GPC6: variants seen among roughly 807,000 people sequenced by gnomAD.
The protein encoded by GPC6 is glypican 6.
A neutral mutation model predicts 55.2 loss-of-function variants in GPC6; 14 were observed. The ratio of observed to expected loss-of-function variants is 0.25; its 90% CI spans 0.17 to 0.40. The LOEUF (loss-of-function observed/expected upper bound fraction) is 0.40, where lower values mean the gene tolerates loss of function less well. Among genes scored for constraint, GPC6 ranks in the 10% least tolerant of loss-of-function variants. The pLI is 1.00. For synonymous variants in GPC6, 278 were observed against 259.6 expected (o/e 1.07, Z -0.68); for missense variants, 641 against 708.5 (o/e 0.90, Z 1.08).
chr13:94,343,779 G>A (rs1401638970), intron 6 of GPC6, among the ~76,000 whole-genome samples: 2 of 152,098 alleles, frequency 1.3e-5, no homozygotes, highest in Non-Finnish European at 2.9e-5. Flanking sequence ...GCCCAGCCTG[G>A]AGTTCAGTGG....
At chr13:93,992,353 C>T (rs1226198739) in intron 3 of GPC6, among the ~76,000 whole-genome samples, 2 of 152,054 alleles carry the variant, frequency 1.3e-5, no homozygotes, top group Non-Finnish European at 2.9e-5. Context: ...TGTACCTTTT[C>T]AGTGAAATAG....
intron 4 of GPC6, among the ~76,000 whole-genome samples, chr13:94,247,979 G>C (rs769839511): frequency 2.0e-5 from 3 of 151,952 alleles, no homozygotes; most frequent in Non-Finnish European, 4.4e-5. Context: ...TGAGGCTACA[G>C]GTACATGCCA....
rs1295036079 is a variant in GPC6 at position 93,902,596 on chromosome 13, G to A, written c.711+72051G>A. Among the ~76,000 whole-genome samples the A allele has an allele frequency of 5.9e-5, 9 of 152,196 alleles. No homozygotes were observed. In the East Asian group the frequency reaches 1.5e-3, roughly 26 times the overall value. ...AGTAGTGAGATTGCTGGATCATACG[G>A]TAATTCTGTTTTTAATTTTTTGAGG... On this transcript the variant is annotated intron_variant, in intron 3 of 8. Transcript: ENST00000377047.
At chr13:94,034,763 T>C (rs1883276624) in intron 4 of GPC6, among the ~76,000 whole-genome samples, 1 of 152,048 alleles carries the variant, frequency 6.6e-6, no homozygotes, top group African/African-American at 2.4e-5. Context: ...AATGATACTG[T>C]GTAATCGAGA....
intron 2 of GPC6, among the ~76,000 whole-genome samples, chr13:93,745,236 A>G (rs1295980592): frequency 6.6e-6 from 1 of 152,018 alleles, no homozygotes; most frequent in Admixed American, 6.5e-5. Context: ...TCCAGCCTCA[A>G]ATCTCACTAT....
intron 4 of GPC6, among the ~76,000 whole-genome samples, chr13:94,088,796 G>C (rs920314012): frequency 2.6e-5 from 4 of 151,950 alleles, no homozygotes; most frequent in African/African-American, 9.7e-5. Flanking sequence ...TAAAATCTGG[G>C]GACAAAAATC....
chr13:93,414,432 C>T (rs570703911), intron 1 of GPC6, among the ~76,000 whole-genome samples: 4 of 152,110 alleles, frequency 2.6e-5, no homozygotes, highest in South Asian at 2.1e-4. Context: ...TTTCTTACTC[C>T]GGGACTGCAA....
intron 3 of GPC6, among the ~76,000 whole-genome samples, chr13:93,992,216 T>TTA (rs1881344336): frequency 6.6e-6 from 1 of 151,646 alleles, no homozygotes; most frequent in Non-Finnish European, 1.5e-5. Flanking sequence ...GGTGTGTGTG[T>TTA]TATATATGTT....
intron 2 of GPC6, among the ~76,000 whole-genome samples, chr13:93,778,510 A>T (rs989163968): frequency 7.2e-5 from 11 of 152,192 alleles, no homozygotes; most frequent in African/African-American, 2.4e-4. Flanking sequence ...GGAGACATTA[A>T]TTCTGCCTTT....
chr13:93,403,182 C>A (rs948623625), intron 1 of GPC6, among the ~76,000 whole-genome samples: 2 of 152,054 alleles, frequency 1.3e-5, no homozygotes, highest in Non-Finnish European at 2.9e-5. Context: ...AGAATTAAAC[C>A]ATTACAAAGA....
chr13:93,763,027 T>G (rs1885002187), intron 2 of GPC6, among the ~76,000 whole-genome samples: 1 of 152,226 alleles, frequency 6.6e-6, no homozygotes, highest in African/African-American at 2.4e-5. Flanking sequence ...TACTTTTCAT[T>G]TCTCAATAAC....
intron 1 of GPC6, among the ~76,000 whole-genome samples, chr13:93,347,688 C>G (rs1880477534): frequency 6.6e-6 from 1 of 152,146 alleles, no homozygotes; most frequent in Non-Finnish European, 1.5e-5. Context: ...CCATGGCATT[C>G]TGCAGCCTGC....
chr13:93,663,576 T>C (rs956639645), intron 2 of GPC6, among the ~76,000 whole-genome samples: 1 of 152,192 alleles, frequency 6.6e-6, no homozygotes, highest in Non-Finnish European at 1.5e-5. Flanking sequence ...TCTAATCATA[T>C]TATGTTTGAG....
intron 1 of GPC6, among the ~76,000 whole-genome samples, chr13:93,274,853 A>C (rs1169508100): frequency 6.6e-6 from 1 of 152,224 alleles, no homozygotes; most frequent in African/African-American, 2.4e-5. Flanking sequence ...ATTTTGATAT[A>C]ATTTCCTGTG....
chr13:93,660,469 C>T (rs750205018), intron 2 of GPC6, among the ~76,000 whole-genome samples: 1 of 152,024 alleles, frequency 6.6e-6, no homozygotes, highest in Non-Finnish European at 1.5e-5. Context: ...GTAGTAAAAC[C>T]TGACATAAAA....
intron 1 of GPC6, among the ~76,000 whole-genome samples, chr13:93,321,562 G>A (rs944731464): frequency 1.3e-5 from 2 of 152,108 alleles, no homozygotes; most frequent in African/African-American, 4.8e-5. Flanking sequence ...ACATTTTCCA[G>A]CAATAACAAT....
chr13:94,171,108 C>A (rs1370133541), intron 4 of GPC6, among the ~76,000 whole-genome samples: 1 of 152,056 alleles, frequency 6.6e-6, no homozygotes, highest in Non-Finnish European at 1.5e-5. Flanking sequence ...TGCAGAAGCC[C>A]AAGTGTACAA....
chr13:94,349,510 C>T lies in GPC6; in HGVS notation c.1153-32904C>T, dbSNP rs371526486. Among the ~76,000 whole-genome samples, 69 of 152,304 alleles carry T rather than the reference C, an allele frequency of 4.5e-4. No homozygotes were observed. In the South Asian group the frequency reaches 0.014, roughly 31 times the overall value. On this transcript the variant is annotated intron_variant, in intron 6 of 8. Transcript: ENST00000377047. ...ACATTGCCTGTGGAATTAAACCCCA[C>T]CTTCATAGCATCAAGTTCAATGTCT... is the stretch of plus-strand genomic sequence containing the variant.
In GPC6 at chr13:93,387,889, A is replaced by G. The variant is rs1021926406; in HGVS notation, c.161-157374A>G. 2.0e-5 allele frequency among the ~76,000 whole-genome samples: 3 copies of G among 152,248 alleles called. No individual in the cohort carries two copies. The East Asian group carries it at 5.8e-4, about 29-fold the overall frequency. ...GAATGTTTGCCTTTTATGTATTTGT[A>G]TAAGTTTCTATTTCATCAGTTTTAT... On this transcript the variant is annotated intron_variant, in intron 1 of 8. Coordinates refer to ENST00000377047, the MANE Select transcript of GPC6 (RefSeq NM_005708.5).
Sources: gnomAD v4.1 joint callset for allele counts (sites outside exome capture counted in the v4.1 genomes callset) on GRCh38, gnomAD v4.1.1 for gene constraint, MANE v1.5 for transcripts, NCBI Gene and HGNC (gene_info 2026-07-23, HGNC 2026-07-21) for gene names.